The following ZFYVE16 variants were observed in gnomAD, a reference collection of about 807,000 sequenced individuals.
ZFYVE16 encodes zinc finger FYVE-type containing 16, also known as zinc finger FYVE domain-containing protein 16.
Under a neutral mutation model 138.1 loss-of-function variants are expected in ZFYVE16, and 89 were observed. That is an observed-to-expected ratio of 0.64 (90% CI 0.54 to 0.77). ZFYVE16 has a LOEUF of 0.77. Ranked by LOEUF, ZFYVE16 falls within the 30% of genes least tolerant of loss-of-function variation. The pLI is 0.00. For synonymous variants in ZFYVE16, 596 were observed against 618.3 expected (o/e 0.96, Z 0.53); for missense variants, 1,793 against 1,786.7 (o/e 1.00, Z -0.06).
chr5:80,423,807 G>T (rs1747589576), intron 1 of ZFYVE16, among the ~76,000 whole-genome samples: 1 of 151,656 alleles, frequency 6.6e-6, no homozygotes, highest in African/African-American at 2.4e-5. Context: ...CAAAATGCTG[G>T]GATTACAGGC....
intron 7 of ZFYVE16, among the ~76,000 whole-genome samples, chr5:80,445,903 T>C: frequency 7.4e-6 from 1 of 135,820 alleles, no homozygotes; most frequent in South Asian, 2.2e-4. Flanking sequence ...GATTTTACCT[T>C]TTTTTTTTTT....
chr5:80,473,255 G>C (rs891920723), intron 16 of ZFYVE16, among the ~76,000 whole-genome samples: 1 of 152,096 alleles, frequency 6.6e-6, no homozygotes, highest in African/African-American at 2.4e-5. Context: ...ATAAGTAAAA[G>C]ATTCCCTTTG....
chr5:80,419,905 G>C (rs1006840750), intron 1 of ZFYVE16, among the ~76,000 whole-genome samples: 1 of 149,630 alleles, frequency 6.7e-6, no homozygotes, highest in Non-Finnish European at 1.5e-5. Flanking sequence ...TCCGCCTCCC[G>C]GGTTCAAGCG....
intron 2 of ZFYVE16, among the ~76,000 whole-genome samples, chr5:80,429,838 G>GTCAA (rs1027998122): frequency 2.2e-5 from 1 of 46,156 alleles, no homozygotes; most frequent in Non-Finnish European, 8.9e-5. Flanking sequence ...GATCAAAAGA[G>GTCAA]ACAAAGCCAT....
chr5:80,461,466 C>T (rs1210511725), intron 15 of ZFYVE16, among the ~76,000 whole-genome samples: 1 of 152,128 alleles, frequency 6.6e-6, no homozygotes, highest in Non-Finnish European at 1.5e-5. Context: ...TTTGTGATTA[C>T]TTCATCTTAA....
At chr5:80,474,938 A>G (rs1035904198) in intron 18 of ZFYVE16, 108 bp downstream of exon 18, 7 of 1,198,588 alleles carry the variant, frequency 5.8e-6, no homozygotes, top group Non-Finnish European at 8.1e-6. Context: ...TTTGTTGAGC[A>G]TCAAATGTGT....
In ZFYVE16 at chr5:80,473,027, T is replaced by C. The variant is rs1000039987; in HGVS notation, c.4187+104T>C. The C allele has an allele frequency of 6.7e-6, 7 of 1,050,276 alleles. No homozygotes were observed. In the African/African-American group the frequency reaches 1.1e-4, roughly 17 times the overall value. The allele number at this position is 1,050,276 out of a possible 1,614,324, so 65.1% of individuals were successfully genotyped here. Reference sequence around the variant, plus strand: ...TATTTTATGAACGAATATATACTTATACCATCAATTTAAATGCCTTTACTC... The same window carrying C: ...TATTTTATGAACGAATATATACTTACACCATCAATTTAAATGCCTTTACTC... On this transcript the variant is annotated intron_variant, in intron 16 of 18. Coordinates refer to ENST00000505560, the MANE Select transcript of ZFYVE16 (RefSeq NM_001284236.3).
At position 80,432,543 on chromosome 5, in the gene ZFYVE16, G is replaced by A. The variant is rs1749218337; in HGVS notation, c.-39-1566G>A. Among the ~76,000 whole-genome samples the A allele has an allele frequency of 3.9e-5, 6 of 152,120 alleles. 1 individual carries two copies. In the South Asian group the frequency reaches 1.2e-3, roughly 32 times the overall value. On this transcript the variant is annotated intron_variant, in intron 2 of 18. Transcript: ENST00000505560. Reference sequence around the variant, plus strand: ...AGGCATGGGCAAGGACTTCATGTCTGAAGCACCAAAAGCAATGGCAACAAA... The same window carrying A: ...AGGCATGGGCAAGGACTTCATGTCTAAAGCACCAAAAGCAATGGCAACAAA...
intron 2 of ZFYVE16, among the ~76,000 whole-genome samples, chr5:80,429,253 T>G (rs1295223634): frequency 6.6e-6 from 1 of 152,212 alleles, no homozygotes; most frequent in Non-Finnish European, 1.5e-5. Flanking sequence ...TAACAGCTGA[T>G]CTCTCAGCAG....
In ZFYVE16 at chr5:80,482,116, T is replaced by A. The variant is rs1256295411; in HGVS notation, c.*4739T>A. Among the ~76,000 whole-genome samples the A allele has an allele frequency of 2.0e-5, 3 of 152,240 alleles. No individual in the cohort carries two copies. The highest frequency in any genetic ancestry group is 4.4e-5 in the Non-Finnish European group (3 of 68,042). The stretch of plus-strand genomic sequence containing the variant: ...GATTACAGGCATAAGCCAGCACACC[T>A]GGCCGTTAAACTAGTTATTTTAATC... On this transcript the variant is annotated 3_prime_UTR_variant, in exon 19 of 19. Coordinates refer to ENST00000505560, the MANE Select transcript of ZFYVE16 (RefSeq NM_001284236.3).
intron 5 of ZFYVE16, chr5:80,441,430 A>C (rs1286802469): frequency 9.1e-6 from 9 of 985,348 alleles, no homozygotes; most frequent in Non-Finnish European, 1.1e-5. Flanking sequence ...GTCTTATAGC[A>C]TATAGTTTCA....
chr5:80,451,934 C>G (rs147383881), intron 11 of ZFYVE16: 4 of 458,054 alleles, frequency 8.7e-6, no homozygotes, highest in Admixed American at 4.0e-5. Context: ...TTACCTAAAA[C>G]TTTTCTTCTT....
rs933542172 is a variant in ZFYVE16, at chr5:80,481,907, C to T, written c.*4530C>T. On this transcript the variant is annotated 3_prime_UTR_variant, in exon 19 of 19. Coordinates refer to ENST00000505560, the MANE Select transcript of ZFYVE16 (RefSeq NM_001284236.3). Reference sequence around the variant, plus strand: ...CAATCTTGGCTCACTGCAACCTCCACCCCCAGGGTGCAAGTGATTCTCCTG... The same window carrying T: ...CAATCTTGGCTCACTGCAACCTCCATCCCCAGGGTGCAAGTGATTCTCCTG... Among the ~76,000 whole-genome samples the T allele has an allele frequency of 1.3e-5, 2 of 152,150 alleles. No individual in the cohort carries two copies. Among genetic ancestry groups the T allele is most frequent in the African/African-American group, 2.4e-5 (1 of 41,412 alleles).
At chr5:80,465,409 T>TGTTTTTG (rs1461959882) in intron 15 of ZFYVE16, among the ~76,000 whole-genome samples, 6 of 112,020 alleles carry the variant, frequency 5.4e-5, no homozygotes, top group African/African-American at 1.9e-4. Context: ...TGTTTTTTTT[T>TGTTTTTG]TTTTTTTTTT....
intron 1 of ZFYVE16, among the ~76,000 whole-genome samples, chr5:80,408,381 G>A (rs1744922763): frequency 6.6e-6 from 1 of 152,232 alleles, no homozygotes; most frequent in African/African-American, 2.4e-5. Flanking sequence ...GGGCCAGACC[G>A]GACTGGACCG....
chr5:80,465,393 TTTCTTTG>T (rs1753586068), intron 15 of ZFYVE16, among the ~76,000 whole-genome samples: 1 of 125,196 alleles, frequency 8.0e-6, no homozygotes, highest in Non-Finnish European at 1.7e-5. Flanking sequence ...TTTTTTTCCT[TTTCTTTG>T]TTTTTTTTTT....
In ZFYVE16 at chr5:80,474,671, C is replaced by T. The variant is rs1248441712; in HGVS notation, c.4302C>T (p.Tyr1434=). ...AATTAAATACATTTCAGGTGTTCTA[C>T]TTTCTAAAGGACCAGGATTTATCTA... is the stretch of plus-strand genomic sequence containing the variant. The part of the protein sequence containing the change: ...EKIVKCTEVF[Y]FLKDQDLSIL... Residue 1434 remains tyrosine (Y), a synonymous_variant, in exon 18 of 19, where the codon TAC becomes TAT. Coordinates refer to ENST00000505560, the MANE Select transcript of ZFYVE16 (RefSeq NM_001284236.3). 3 of 1,607,918 alleles carry T rather than the reference C, an allele frequency of 1.9e-6. No individual in the cohort carries two copies. Among genetic ancestry groups the T allele is most frequent in the Non-Finnish European group, 2.5e-6 (3 of 1,177,874 alleles).
chr5:80,430,628 C>CA (rs1168981913), intron 2 of ZFYVE16, among the ~76,000 whole-genome samples: 4 of 151,920 alleles, frequency 2.6e-5, no homozygotes, highest in Non-Finnish European at 5.9e-5. Flanking sequence ...AAAAACCCTT[C>CA]AAAAAATCAA....
chr5:80,479,042 G>GT lies in ZFYVE16; in HGVS notation c.*1667dup, dbSNP rs1755150934. ...TAAAATAACCAAATGGTAGAGGGCT[G>GT]TTCCATGATGGGACAGCTTTGGATT... On this transcript the variant is annotated 3_prime_UTR_variant, in exon 19 of 19. Transcript: ENST00000505560. 6.6e-6 allele frequency: 1 copy of GT among 152,116 alleles called. No individual in the cohort carries two copies. Among genetic ancestry groups the GT allele is most frequent in the Admixed American group, 6.5e-5 (1 of 15,268 alleles). 9.4% of individuals were successfully genotyped at this position (152,116 alleles called of 1,614,324 possible).
Sources: gnomAD v4.1 joint callset for allele counts (sites outside exome capture counted in the v4.1 genomes callset) on GRCh38, gnomAD v4.1.1 for gene constraint, MANE v1.5 for transcripts, NCBI Gene and HGNC (gene_info 2026-07-23, HGNC 2026-07-21) for gene names.